WDSUB1: variants seen among roughly 807,000 people sequenced by gnomAD.
WDSUB1 encodes WD repeat, SAM and U-box domain-containing protein 1.
Under a neutral mutation model 53.9 loss-of-function variants are expected in WDSUB1, and 49 were observed. That is an observed-to-expected ratio of 0.91 (90% CI 0.72 to 1.15). The LOEUF is 1.15. Among genes scored for constraint, WDSUB1 ranks in the 50% most tolerant of loss-of-function variants. The pLI, the probability that WDSUB1 is intolerant of heterozygous loss-of-function variation, is 0.00. For synonymous variants in WDSUB1, 194 were observed against 200.6 expected (o/e 0.97, Z 0.28); for missense variants, 514 against 562.0 (o/e 0.91, Z 0.86).
At chr2:159,282,634 C>T (rs745563615) in intron 2 of WDSUB1, 38 bp downstream of exon 2, 2 of 1,572,134 alleles carry the variant, frequency 1.3e-6, no homozygotes, top group Non-Finnish European at 1.7e-6. Context: ...TACACCTAGT[C>T]AACAGGATTA....
intron 10 of WDSUB1, among the ~76,000 whole-genome samples, chr2:159,237,085 A>C (rs987709468): frequency 1.2e-4 from 19 of 152,196 alleles, no homozygotes; most frequent in African/African-American, 4.6e-4. Flanking sequence ...AGTACATATC[A>C]CTGTTTCAAA....
At chr2:159,267,122 C>T (rs994009160) in intron 5 of WDSUB1, among the ~76,000 whole-genome samples, 7 of 151,960 alleles carry the variant, frequency 4.6e-5, no homozygotes, top group African/African-American at 7.3e-5. Context: ...GGCCTCATTT[C>T]TCCTTATTTA....
In WDSUB1 at chr2:159,286,609, C is replaced by T. The variant is rs974686151; in HGVS notation, c.-51G>A. The T allele has an allele frequency of 9.2e-5, 14 of 152,370 alleles. No individual in the cohort carries two copies. Among genetic ancestry groups the T allele is most frequent in the Non-Finnish European group, 1.9e-4 (13 of 68,134 alleles). The allele number at this position is 152,370 out of a possible 1,614,324, so 9.4% of individuals were successfully genotyped here. A position where few individuals can be genotyped will look rare whatever the true frequency, so the allele number is the denominator to read the frequency against. On this transcript the variant is annotated 5_prime_UTR_variant, in exon 1 of 11. Coordinates refer to ENST00000359774, the MANE Select transcript of WDSUB1 (RefSeq NM_001128212.3). ...TGCAGGAGCGGGGGCGCGCGGGATC[C>T]GCCTTCAAGGTGCCCACGGGCGGTG...
intron 1 of WDSUB1, among the ~76,000 whole-genome samples, chr2:159,284,969 CG>C (rs924743785): frequency 1.3e-5 from 2 of 152,128 alleles, no homozygotes; most frequent in Non-Finnish European, 2.9e-5. Context: ...TCCTCAGAGA[CG>C]GTTTCCCTAT....
chr2:159,246,431 CAAAA>C (rs35443297), intron 10 of WDSUB1, among the ~76,000 whole-genome samples: 1 of 117,148 alleles, frequency 8.5e-6, no homozygotes, highest in Non-Finnish European at 1.7e-5. Flanking sequence ...GAGTCTGTCT[CAAAA>C]AAAAAAAAAA....
intron 5 of WDSUB1, among the ~76,000 whole-genome samples, chr2:159,262,913 A>G (rs1466853738): frequency 6.6e-6 from 1 of 152,098 alleles, no homozygotes; most frequent in Non-Finnish European, 1.5e-5. Context: ...TCCTCCCCCA[A>G]ATTTTCAGTA....
intron 4 of WDSUB1, among the ~76,000 whole-genome samples, chr2:159,273,294 TAA>T (rs1349136902): frequency 6.6e-6 from 1 of 152,092 alleles, no homozygotes; most frequent in South Asian, 2.1e-4. Flanking sequence ...ATTAAGACTA[TAA>T]AACTTCAATA....
At chr2:159,277,170 T>C (rs1042236313) in intron 3 of WDSUB1, among the ~76,000 whole-genome samples, 1 of 152,212 alleles carries the variant, frequency 6.6e-6, no homozygotes, top group Non-Finnish European at 1.5e-5. Context: ...TTAAATTCCA[T>C]TTCACTGAAA....
intron 10 of WDSUB1, among the ~76,000 whole-genome samples, chr2:159,244,386 TAAA>T (rs11437326): frequency 3.4e-5 from 4 of 118,068 alleles, no homozygotes; most frequent in Non-Finnish European, 7.9e-5. Flanking sequence ...TAACTGCTGA[TAAA>T]AAAAAAAAAA....
At chr2:159,271,322 T>G (rs2061440297) in intron 5 of WDSUB1, among the ~76,000 whole-genome samples, 3 of 152,158 alleles carry the variant, frequency 2.0e-5, no homozygotes, top group Non-Finnish European at 4.4e-5. Context: ...TAAAATGAAC[T>G]ATTATATATA....
intron 10 of WDSUB1, 28 bp downstream of exon 10, chr2:159,248,344 C>T (rs201342378): frequency 8.4e-5 from 134 of 1,602,512 alleles, no homozygotes; most frequent in Non-Finnish European, 1.1e-4. Context: ...AAAACATCCC[C>T]TGCAACTTAG....
chr2:159,257,808 A>G lies in WDSUB1; in HGVS notation c.902T>C (p.Met301Thr). 1 of 1,614,228 alleles carries G rather than the reference A, an allele frequency of 6.2e-7. No homozygotes were observed. The highest frequency in any genetic ancestry group is 1.1e-5 in the South Asian group (1 of 91,084). Residue 301 changes from methionine to threonine, a missense_variant, in exon 8 of 11, where the codon ATG becomes ACG. Physicochemically the swap from Met to Thr is moderately conservative, Grantham distance 81. Transcript: ENST00000359774. ...PNTLLLATGS[M>T]DKTVNIWQFD... ...TTGCCAGATGTTCACTGTTTTGTCCATTGAACCAGTAGCAAGTAAAAGGGT... is the reference window on the plus strand; with the variant it reads ...TTGCCAGATGTTCACTGTTTTGTCCGTTGAACCAGTAGCAAGTAAAAGGGT...
chr2:159,266,003 A>G (rs2061338747), intron 5 of WDSUB1, among the ~76,000 whole-genome samples: 1 of 152,198 alleles, frequency 6.6e-6, no homozygotes. Context: ...AAAATGTAGA[A>G]CAATGCCACT....
chr2:159,246,971 T>G (rs1353567031), intron 10 of WDSUB1, among the ~76,000 whole-genome samples: 5 of 152,172 alleles, frequency 3.3e-5, no homozygotes, highest in African/African-American at 7.2e-5. Flanking sequence ...TGGTTTTTTT[T>G]GTAGAAAAAA....
chr2:159,253,246 C>T (rs1396616829), intron 9 of WDSUB1, among the ~76,000 whole-genome samples: 1 of 152,162 alleles, frequency 6.6e-6, no homozygotes, highest in Admixed American at 6.5e-5. Context: ...TAAGACATAT[C>T]CCTCTCAACA....
At chr2:159,271,141 T>C (rs1439520547) in intron 5 of WDSUB1, among the ~76,000 whole-genome samples, 4 of 152,208 alleles carry the variant, frequency 2.6e-5, no homozygotes, top group African/African-American at 4.8e-5. Context: ...ACTTGGAAAC[T>C]GTTGTTATCT....
chr2:159,256,172 T>C (rs200541251), intron 9 of WDSUB1, 24 bp downstream of exon 9: 51 of 1,570,410 alleles, frequency 3.2e-5, no homozygotes, highest in Non-Finnish European at 3.6e-5. Context: ...GTTTTGAAGA[T>C]TGCCTATCTT....
At chr2:159,279,681 A>G in intron 3 of WDSUB1, 80 bp downstream of exon 3, 1 of 1,281,004 alleles carries the variant, frequency 7.8e-7, no homozygotes, top group Non-Finnish European at 1.0e-6. Flanking sequence ...AACATAAAAA[A>G]GAATAAAAGA....
At chr2:159,260,061 T>C (rs942378145) in intron 5 of WDSUB1, among the ~76,000 whole-genome samples, 1 of 152,130 alleles carries the variant, frequency 6.6e-6, no homozygotes, top group African/African-American at 2.4e-5. Context: ...CCCAGCACTT[T>C]GGGAGGTTGA....
Sources: allele counts gnomAD v4.1 joint callset (sites outside exome capture counted in the v4.1 genomes callset), GRCh38; gene constraint gnomAD v4.1.1; transcripts MANE v1.5; gene names NCBI Gene and HGNC (gene_info 2026-07-23, HGNC 2026-07-21).